Variants in CD163L1 observed in about 807,000 individuals in gnomAD.
CD163L1 encodes scavenger receptor cysteine-rich type 1 protein M160.
In CD163L1, 124 loss-of-function variants were observed where a neutral mutation model predicts 165.4. The observed-to-expected ratio is 0.75, with a 90% CI of 0.65 to 0.87. The LOEUF (loss-of-function observed/expected upper bound fraction) is 0.87, where lower values mean the gene tolerates loss of function less well. Among genes scored for constraint, CD163L1 ranks in the 40% least tolerant of loss-of-function variants. The probability of loss-of-function intolerance (pLI) is 0.00; values close to 1 mark genes in which losing one functional copy is unlikely to be tolerated. For missense variants in CD163L1, 1,525 were observed against 1,799.9 expected (o/e 0.85, Z 2.76); for synonymous variants, 585 against 662.2 (o/e 0.88, Z 1.79).
chr12:7,321,742 C>T, the CD163L1 span, among the ~76,000 whole-genome samples: 6 of 152,318 alleles, frequency 3.9e-5, no homozygotes, highest in East Asian at 1.2e-3. Flanking sequence ...AAGCTAAGCT[C>T]CAAAGTCAAA....
Position 7,432,210 on chromosome 12 carries a change from C to T in CD163L1, c.766+206G>A, listed in dbSNP as rs1460134274. Among the ~76,000 whole-genome samples, 1 of 152,088 alleles carries T rather than the reference C, an allele frequency of 6.6e-6. No individual in the cohort carries two copies. Among genetic ancestry groups the T allele is most frequent in the Non-Finnish European group, 1.5e-5 (1 of 68,010 alleles). ...TGCTGAGTGATCAGAAATATTAAAA[C>T]TCAAAATGTGCTTTAGATTTGTTAG... On this transcript the variant is annotated intron_variant, in intron 4 of 19. Coordinates refer to ENST00000313599, the MANE Select transcript of CD163L1 (RefSeq NM_174941.6). This position sits in a 1 kb window ranked among gnomAD's most constrained non-coding sequence, Gnocchi z 4.2.
At chr12:7,367,606 T>C (rs1947050999) in intron 17 of CD163L1, 1 of 285,012 alleles carries the variant, frequency 3.5e-6, no homozygotes. Flanking sequence ...TATTTAACTA[T>C]CTTAACCTGA....
chr12:7,350,151 A>G (rs1946697669), downstream of CD163L1, among the ~76,000 whole-genome samples: 4 of 152,142 alleles, frequency 2.6e-5, no homozygotes, highest in Admixed American at 2.6e-4. Flanking sequence ...AAATTTAGCT[A>G]TCTTCATTTG....
At position 7,396,229 on chromosome 12, in the gene CD163L1, G is replaced by A; in HGVS notation, c.1916C>T (p.Ser639Phe). Residue 639 changes from serine (S) to phenylalanine (F), a missense_variant, in exon 8 of 20, where the codon TCT becomes TTT. Transcript: ENST00000313599. ...SIIGMGLGNASTGYGKIWLDD... is the reference protein window; with the variant it reads ...SIIGMGLGNAFTGYGKIWLDD... ...GAGCCAAATTTTTCCATATCCTGTA[G>A]AAGCGTTTCCCAGACCCATGCCAAT... The A allele has an allele frequency of 6.2e-7, 1 of 1,614,154 alleles. No individual in the cohort carries two copies. The highest frequency in any genetic ancestry group is 8.5e-7 in the Non-Finnish European group (1 of 1,180,020).
chr12:7,391,616 A>C (rs911159515), intron 8 of CD163L1, among the ~76,000 whole-genome samples: 4 of 152,088 alleles, frequency 2.6e-5, no homozygotes, highest in African/African-American at 9.7e-5. Flanking sequence ...GGAAGAAAGG[A>C]TATCAGTGAT....
chr12:7,341,324 G>T, the CD163L1 span, among the ~76,000 whole-genome samples: 2 of 152,170 alleles, frequency 1.3e-5, no homozygotes, highest in Non-Finnish European at 2.9e-5. Context: ...TATACAGGTT[G>T]GGATTATCTG....
In CD163L1 at chr12:7,406,755, G is replaced by C. The variant is rs1948026567; in HGVS notation, c.864C>G (p.His288Gln). ...KIQGRWGTVC[H>Q]HKWNNAAADV... ...CAGCTGCAGCATTGTTCCACTTATGGTGGCATACGGTCCCCCACCTTCCTT... is the reference window on the plus strand; with the variant it reads ...CAGCTGCAGCATTGTTCCACTTATGCTGGCATACGGTCCCCCACCTTCCTT... The change falls in exon 5 of 20, where the codon CAC becomes CAG. Residue 288 changes from histidine (H) to glutamine (Q), a missense_variant. Physicochemically the swap from His to Gln is conservative, Grantham distance 24 (BLOSUM62 0). Coordinates refer to ENST00000313599, the MANE Select transcript of CD163L1 (RefSeq NM_174941.6). The C allele has an allele frequency of 6.2e-7, 1 of 1,613,812 alleles. No homozygotes were observed. Among genetic ancestry groups the C allele is most frequent in the African/African-American group, 1.3e-5 (1 of 74,858 alleles).
In CD163L1 at chr12:7,423,360, G is replaced by A. The variant is rs747981608; in HGVS notation, c.766+9056C>T. Among the ~76,000 whole-genome samples, 36 of 152,250 alleles carry A rather than the reference G, an allele frequency of 2.4e-4. No individual in the cohort carries two copies. The South Asian group carries it at 7.3e-3, about 31-fold the overall frequency. On this transcript the variant is annotated intron_variant, in intron 4 of 19. Transcript: ENST00000313599. ...AAGAGGGAAATTTATAGCATTAAAT[G>A]CCCACATCAGAAAGCAGGGAAGATC...
chr12:7,381,023 CAA>C (rs2136449867), intron 8 of CD163L1, among the ~76,000 whole-genome samples: 1 of 152,126 alleles, frequency 6.6e-6, no homozygotes, highest in Non-Finnish European at 1.5e-5. Flanking sequence ...AATTATATAA[CAA>C]TGTAATACTT....
chr12:7,369,647 C>T lies in CD163L1; in HGVS notation c.3749G>A (p.Gly1250Glu). The T allele has an allele frequency of 6.2e-7, 1 of 1,613,776 alleles. No homozygotes were observed. The highest frequency in any genetic ancestry group is 1.7e-5 in the Admixed American group (1 of 60,018). The change falls in exon 15 of 20, where the codon GGA (glycine) becomes GAA (glutamate). Residue 1250 changes from glycine to glutamate, a missense_variant. Gly to Glu is a moderately conservative substitution (Grantham distance 98). Transcript: ENST00000313599. This position sits in a 1 kb window ranked among gnomAD's most constrained non-coding sequence, Gnocchi z 4.9. ...TCTCCCAGAGCACTCGGTGTCTCCT[C>T]CACGCACTCTTATTCTATCTACAAA... The part of the protein sequence containing the change: ...ITCEDRIRVR[G>E]GDTECSGRVE...
At position 7,432,831 on chromosome 12, in the gene CD163L1, T is replaced by C. The variant is rs1948652763; in HGVS notation, c.446-95A>G. On this transcript the variant is annotated intron_variant, in intron 3 of 19. Coordinates refer to ENST00000313599, the MANE Select transcript of CD163L1 (RefSeq NM_174941.6). This position sits in a 1 kb window ranked among gnomAD's most constrained non-coding sequence, Gnocchi z 4.2. ...ACGTAGAAGACAGCCCTGTTATGAA[T>C]GAAGTTACCAAAAATTAAAAAAAAA... 1 of 1,043,234 alleles carries C rather than the reference T, an allele frequency of 9.6e-7. No homozygotes were observed. The highest frequency in any genetic ancestry group is 2.2e-5 in the South Asian group (1 of 45,396). 64.6% of individuals were successfully genotyped at this position (1,043,234 alleles called of 1,614,324 possible).
the CD163L1 span, among the ~76,000 whole-genome samples, chr12:7,330,797 G>A: frequency 6.6e-6 from 1 of 152,174 alleles, no homozygotes; most frequent in African/African-American, 2.4e-5. Flanking sequence ...AGTTCCTCTG[G>A]CAAGGTGGCA....
At chr12:7,386,615 A>C (rs999490789) in intron 8 of CD163L1, among the ~76,000 whole-genome samples, 5 of 151,698 alleles carry the variant, frequency 3.3e-5, no homozygotes, top group African/African-American at 9.7e-5. Flanking sequence ...AAAAAAAAAA[A>C]AAAAAACAGT....
chr12:7,389,787 T>C (rs1257024972), intron 8 of CD163L1, among the ~76,000 whole-genome samples: 2 of 151,762 alleles, frequency 1.3e-5, no homozygotes, highest in East Asian at 1.9e-4. Flanking sequence ...TAAATATCTA[T>C]ACCTAGCATG....
At chr12:7,328,433 C>A in the CD163L1 span, 2 of 1,277,670 alleles carry the variant, frequency 1.6e-6, no homozygotes, top group Non-Finnish European at 2.1e-6. Flanking sequence ...AGTATTTGTT[C>A]CGATAATTCA....
the CD163L1 span, chr12:7,327,039 C>G: frequency 2.5e-6 from 4 of 1,612,474 alleles, no homozygotes; most frequent in Non-Finnish European, 3.4e-6. Context: ...GAAATTAACT[C>G]TTGAACTTCA....
intron 1 of CD163L1, among the ~76,000 whole-genome samples, chr12:7,442,995 A>C (rs989565785): frequency 6.6e-6 from 1 of 152,194 alleles, no homozygotes; most frequent in African/African-American, 2.4e-5. Flanking sequence ...CAAGACCTTC[A>C]TCTTTCCCAT....
At chr12:7,394,113 A>C (rs1275364285) in intron 8 of CD163L1, among the ~76,000 whole-genome samples, 3 of 144,970 alleles carry the variant, frequency 2.1e-5, no homozygotes, top group Admixed American at 2.0e-4. Context: ...AAACAAAAAA[A>C]CAAAAAAAAA....
In CD163L1 at chr12:7,369,299, C is replaced by T; in HGVS notation, c.4039+58G>A. The T allele has an allele frequency of 6.5e-7, 1 of 1,533,774 alleles. No homozygotes were observed. The highest frequency in any genetic ancestry group is 8.9e-7 in the Non-Finnish European group (1 of 1,120,818). ...TCAACTCTCTGAGTGAGCCTGTTTC[C>T]CAGTGTTCTCTACCATTAGTGGGAG... On this transcript the variant is annotated intron_variant, in intron 15 of 19. Coordinates refer to ENST00000313599, the MANE Select transcript of CD163L1 (RefSeq NM_174941.6). The surrounding 1 kb of genome is among the most constrained non-coding windows in gnomAD (Gnocchi z 4.9).
Sources: allele counts gnomAD v4.1 joint callset (sites outside exome capture counted in the v4.1 genomes callset), GRCh38; gene constraint gnomAD v4.1.1; non-coding constraint Gnocchi (gnomAD v3.1); transcripts MANE v1.5; gene names NCBI Gene and HGNC (gene_info 2026-07-23, HGNC 2026-07-21).